The following TRPM8 variants were observed in gnomAD, a reference collection of about 807,000 sequenced individuals.
TRPM8 encodes the protein TRPM8 cationic channel.
In TRPM8, 110 loss-of-function variants were observed where a neutral mutation model predicts 133.7. The observed-to-expected ratio is 0.82, with a 90% CI of 0.70 to 0.96. The LOEUF (loss-of-function observed/expected upper bound fraction) is 0.96, where lower values mean the gene tolerates loss of function less well. Ranked by LOEUF, TRPM8 falls within the 40% of genes least tolerant of loss-of-function variation. The probability of loss-of-function intolerance (pLI) is 0.00; values close to 1 mark genes in which losing one functional copy is unlikely to be tolerated. For missense variants in TRPM8, 1,291 were observed against 1,379.5 expected (o/e 0.94, Z 1.02); for synonymous variants, 535 against 532.3 (o/e 1.01, Z -0.07).
intron 17 of TRPM8, among the ~76,000 whole-genome samples, chr2:233,971,873 G>A (rs997446545): frequency 2.6e-5 from 4 of 152,062 alleles, no homozygotes; most frequent in Middle Eastern, 3.2e-3. Context: ...GCTGGCTCGC[G>A]CAGCCTGCTT....
intron 22 of TRPM8, among the ~76,000 whole-genome samples, 195 bp downstream of exon 22, chr2:233,996,711 A>G (rs1332571298): frequency 2.0e-5 from 3 of 152,266 alleles, no homozygotes; most frequent in Non-Finnish European, 4.4e-5. Flanking sequence ...AGCACTGTAG[A>G]TCTGCCGGGA....
At chr2:233,963,648 T>C (rs1691494751) in intron 13 of TRPM8, among the ~76,000 whole-genome samples, 1 of 152,182 alleles carries the variant, frequency 6.6e-6, no homozygotes, top group South Asian at 2.1e-4. Context: ...GGAAAAGGTA[T>C]TCACATTTGA....
intron 3 of TRPM8, chr2:233,933,598 G>A (rs1691723719): frequency 6.6e-6 from 1 of 152,208 alleles, no homozygotes; most frequent in Non-Finnish European, 1.5e-5. Context: ...GGTGCTTAGA[G>A]GGCTACCAGC....
At position 233,960,988 on chromosome 2, in the gene TRPM8, G is replaced by C; in HGVS notation, c.1575G>C (p.Trp525Cys). 1 of 1,614,164 alleles carries C rather than the reference G, an allele frequency of 6.2e-7. No homozygotes were observed. Among genetic ancestry groups the C allele is most frequent in the Non-Finnish European group, 8.5e-7 (1 of 1,180,036 alleles). ...SYNDALLTFV[W>C]KLVANFRRGF... Reference sequence around the variant, plus strand: ...ATGATGCCCTCCTCACGTTTGTCTGGAAACTGGTTGCGAACTTCCGAAGAG... The same window carrying C: ...ATGATGCCCTCCTCACGTTTGTCTGCAAACTGGTTGCGAACTTCCGAAGAG... Residue 525 changes from tryptophan (W) to cysteine (C), a missense_variant, in exon 12 of 26, where the codon TGG becomes TGC. By Grantham distance (215) the Trp-to-Cys change is radical (BLOSUM62 -2). Coordinates refer to ENST00000324695, the MANE Select transcript of TRPM8 (RefSeq NM_024080.5).
At chr2:233,935,990 A>G (rs1388440980) in intron 3 of TRPM8, among the ~76,000 whole-genome samples, 1 of 152,092 alleles carries the variant, frequency 6.6e-6, no homozygotes, top group East Asian at 1.9e-4. Flanking sequence ...CACTGCCCTC[A>G]TTAATCATTG....
At chr2:233,951,501 T>C (rs908379650) in intron 9 of TRPM8, among the ~76,000 whole-genome samples, 7 of 152,168 alleles carry the variant, frequency 4.6e-5, no homozygotes, top group Non-Finnish European at 5.9e-5. Flanking sequence ...TGCCAGGTCT[T>C]GACCAGGCCA....
intron 22 of TRPM8, among the ~76,000 whole-genome samples, chr2:234,000,717 C>A (rs1240915014): frequency 6.6e-6 from 1 of 150,808 alleles, no homozygotes; most frequent in South Asian, 2.1e-4. Context: ...CTCGCTCTGT[C>A]CCCCAGGCTG....
intron 11 of TRPM8, among the ~76,000 whole-genome samples, chr2:233,958,078 CTG>C (rs1040431887): frequency 3.9e-5 from 6 of 152,200 alleles, no homozygotes; most frequent in African/African-American, 1.4e-4. Context: ...AGCAGTTTCT[CTG>C]TGTGTGTTTA....
chr2:233,950,454 C>G (rs1300751213), intron 9 of TRPM8, among the ~76,000 whole-genome samples: 1 of 152,162 alleles, frequency 6.6e-6, no homozygotes, highest in African/African-American at 2.4e-5. Context: ...GAGAGAGAGA[C>G]ACAAGAATCT....
At chr2:233,977,844 A>G (rs1691907544) in intron 17 of TRPM8, among the ~76,000 whole-genome samples, 1 of 152,226 alleles carries the variant, frequency 6.6e-6, no homozygotes, top group South Asian at 2.1e-4. Flanking sequence ...TTTTAGCTAT[A>G]TGGCAAGATG....
At chr2:233,936,413 A>G (rs1376284028) in intron 3 of TRPM8, among the ~76,000 whole-genome samples, 1 of 152,224 alleles carries the variant, frequency 6.6e-6, no homozygotes, top group African/African-American at 2.4e-5. Context: ...GGATGAATTT[A>G]GTTCCATTGC....
intron 22 of TRPM8, among the ~76,000 whole-genome samples, chr2:233,997,895 T>A (rs1051793793): frequency 3.3e-5 from 5 of 152,128 alleles, no homozygotes; most frequent in African/African-American, 1.2e-4. Context: ...GTCCTTTGAA[T>A]GCAGGGAGCC....
At chr2:234,000,647 C>T (rs753885233) in intron 22 of TRPM8, among the ~76,000 whole-genome samples, 1 of 151,274 alleles carries the variant, frequency 6.6e-6, no homozygotes, top group Non-Finnish European at 1.5e-5. Context: ...GACATAGGAG[C>T]CTTCATAAGG....
chr2:233,927,779 T>TTCCTTCCTTCCTTCC lies in TRPM8; in HGVS notation c.117+1126_117+1127insCCTTCCTTCCTTCCT, dbSNP rs1691564685. ...CTTTCTTTCTTTCTTTCTTTCTTTC[T>TTCCTTCCTTCCTTCC]TTCTTTCTTTCTTTTCTTTCCTTCC... On this transcript the variant is annotated intron_variant, in intron 2 of 25. Coordinates refer to ENST00000324695, the MANE Select transcript of TRPM8 (RefSeq NM_024080.5). 9.7e-5 allele frequency among the ~76,000 whole-genome samples: 4 copies of TTCCTTCCTTCCTTCC among 41,356 alleles called. No individual in the cohort carries two copies. The African/African-American group carries it at 1.2e-3, about 12-fold the overall frequency. The allele number at this position is 41,356 out of a possible 152,430, so 27.1% of individuals were successfully genotyped here.
At chr2:233,937,733 C>T (rs1436843733) in intron 4 of TRPM8, among the ~76,000 whole-genome samples, 5 of 152,180 alleles carry the variant, frequency 3.3e-5, no homozygotes, top group Non-Finnish European at 7.4e-5. Flanking sequence ...ATCACCTAGC[C>T]TCCTGTGTCC....
intron 13 of TRPM8, 94 bp downstream of exon 13, chr2:233,963,471 A>C: frequency 1.4e-6 from 1 of 691,306 alleles, no homozygotes; most frequent in East Asian, 2.8e-5. Flanking sequence ...AATATAAAAC[A>C]TCATCAGTGA....
chr2:233,947,444 G>A, intron 8 of TRPM8: 2 of 1,412,798 alleles, frequency 1.4e-6, no homozygotes, highest in South Asian at 1.2e-5. Context: ...CTTAAAGATT[G>A]TAACCGGCAT....
chr2:233,946,155 C>A, intron 7 of TRPM8, 125 bp downstream of exon 7: 1 of 925,816 alleles, frequency 1.1e-6, no homozygotes, highest in Non-Finnish European at 1.6e-6. Context: ...ATTTTTATTG[C>A]CAAAGAACTG....
Position 233,985,731 on chromosome 2 carries a change from G to A in TRPM8, c.2805G>A (p.Glu935=), listed in dbSNP as rs1282919873. 3 of 1,614,224 alleles carry A rather than the reference G, an allele frequency of 1.9e-6. No homozygotes were observed. The South Asian group carries it at 3.3e-5, about 18-fold the overall frequency. Residue 935 remains glutamate, a synonymous_variant, in exon 21 of 26, where the codon GAG becomes GAA. Transcript: ENST00000324695. ...CCCACTGCACCTTCACTGGGAATGA[G>A]TCCAAGCCACTGTGTGTGGAGCTGG... ...DFAHCTFTGN[E]SKPLCVELDE... is the part of the protein sequence containing the mutation.
Sources: allele counts gnomAD v4.1 joint callset (sites outside exome capture counted in the v4.1 genomes callset), GRCh38; gene constraint gnomAD v4.1.1; transcripts MANE v1.5; gene names NCBI Gene and HGNC (gene_info 2026-07-23, HGNC 2026-07-21).